Variants in MAP4K3 observed in about 807,000 individuals in gnomAD.
MAP4K3 encodes the protein mitogen-activated protein kinase kinase kinase kinase 3, also known as MAPK/ERK kinase kinase kinase 3.
Under a neutral mutation model 143.5 loss-of-function variants are expected in MAP4K3, and 94 were observed. That is an observed-to-expected ratio of 0.65 (90% CI 0.55 to 0.78). The LOEUF (loss-of-function observed/expected upper bound fraction) is 0.78, where lower values mean the gene tolerates loss of function less well. Among genes scored for constraint, MAP4K3 ranks in the 30% least tolerant of loss-of-function variants. The pLI, the probability that MAP4K3 is intolerant of heterozygous loss-of-function variation, is 0.00. For synonymous variants in MAP4K3, 416 were observed against 347.2 expected (o/e 1.20, Z -2.20); for missense variants, 1,077 against 1,068.1 (o/e 1.01, Z -0.12).
intron 4 of MAP4K3, among the ~76,000 whole-genome samples, chr2:39,342,820 C>T (rs1665181204): frequency 1.3e-5 from 2 of 152,022 alleles, no homozygotes; most frequent in African/African-American, 2.4e-5. Context: ...TTTTATTTTA[C>T]ATTAATCAAA....
chr2:39,399,042 G>GT (rs1168639031), intron 1 of MAP4K3, among the ~76,000 whole-genome samples: 4 of 121,210 alleles, frequency 3.3e-5, no homozygotes, highest in Non-Finnish European at 4.9e-5. Context: ...ACTCTGTCTC[G>GT]TTAAAAAAAA....
At chr2:39,412,032 G>A (rs547259619) in intron 1 of MAP4K3, among the ~76,000 whole-genome samples, 107 of 152,306 alleles carry the variant, frequency 7.0e-4, no homozygotes, top group African/African-American at 2.4e-3. Flanking sequence ...CACTAACTCT[G>A]CATTTCCCAA....
At chr2:39,282,997 A>C (rs1350525503) in intron 21 of MAP4K3, among the ~76,000 whole-genome samples, 1 of 152,192 alleles carries the variant, frequency 6.6e-6, no homozygotes, top group Admixed American at 6.5e-5. Flanking sequence ...GCATGGCATA[A>C]ATATACTTTA....
chr2:39,310,589 T>C (rs1169742419), intron 13 of MAP4K3, among the ~76,000 whole-genome samples: 1 of 151,326 alleles, frequency 6.6e-6, no homozygotes, highest in African/African-American at 2.4e-5. Context: ...CTGGTATCCT[T>C]TCTTTTGGAT....
At chr2:39,290,184 A>C (rs1188092563) in intron 19 of MAP4K3, 108 bp downstream of exon 19, 12 of 746,864 alleles carry the variant, frequency 1.6e-5, no homozygotes, top group Non-Finnish European at 2.5e-5. Flanking sequence ...CAACTTCATG[A>C]TTTTTCTTTG....
chr2:39,265,197 GCTTAC>G lies in MAP4K3; in HGVS notation c.2136+1_2136+5del. ...AAGAATAAGATAGTCTGACTTTTAT[GCTTAC>G]CTTAATTAACATAAATTTCTGCATT... is the stretch of plus-strand genomic sequence containing the variant. On this transcript the variant is annotated splice_donor_variant and splice_donor_5th_base_variant and intron_variant, in intron 28 of 33. Coordinates refer to ENST00000263881, the MANE Select transcript of MAP4K3 (RefSeq NM_003618.4). LOFTEE classifies it high-confidence loss of function. 1 of 1,553,488 alleles carries G rather than the reference GCTTAC, an allele frequency of 6.4e-7. No homozygotes were observed. The highest frequency in any genetic ancestry group is 8.9e-7 in the Non-Finnish European group (1 of 1,125,874).
At chr2:39,336,893 T>G in intron 6 of MAP4K3, 27 bp downstream of exon 6, 5 of 974,778 alleles carry the variant, frequency 5.1e-6, no homozygotes, top group Non-Finnish European at 7.5e-6. Flanking sequence ...GAAGAGAGGG[T>G]TATTATGTTA....
At chr2:39,340,558 A>G (rs1321400721) in intron 4 of MAP4K3, among the ~76,000 whole-genome samples, 1 of 152,240 alleles carries the variant, frequency 6.6e-6, no homozygotes, top group Non-Finnish European at 1.5e-5. Flanking sequence ...GGTAAGAATC[A>G]TGACAACCTA....
intron 2 of MAP4K3, among the ~76,000 whole-genome samples, chr2:39,372,905 C>A (rs1666121103): frequency 6.6e-6 from 1 of 152,070 alleles, no homozygotes. Flanking sequence ...CAATATCCTA[C>A]AGGCACTAGC....
intron 1 of MAP4K3, among the ~76,000 whole-genome samples, chr2:39,424,830 C>CAAAA (rs58960920): frequency 0.035 from 2,394 of 68,106 alleles, 52 homozygotes; most frequent in Non-Finnish European, 0.046. Flanking sequence ...TAACCTGACT[C>CAAAA]AAAAAAAAAA....
chr2:39,417,434 T>C (rs1048304018), intron 1 of MAP4K3, among the ~76,000 whole-genome samples: 1 of 152,104 alleles, frequency 6.6e-6, no homozygotes, highest in African/African-American at 2.4e-5. Context: ...TTAGCCAGGA[T>C]GGTCTTGATC....
intron 3 of MAP4K3, among the ~76,000 whole-genome samples, chr2:39,353,391 C>T (rs1342060754): frequency 1.3e-5 from 2 of 152,100 alleles, no homozygotes; most frequent in Non-Finnish European, 2.9e-5. Context: ...TACCATTTAC[C>T]TTCAAATCAC....
chr2:39,309,663 T>C, intron 13 of MAP4K3, 144 bp from the exon 14 acceptor site: 1 of 516,800 alleles, frequency 1.9e-6, no homozygotes. Context: ...GTTCCCACCA[T>C]TTCCCTGCCT....
In MAP4K3 at chr2:39,437,120, GGCCGCCGCC is replaced by G. The variant is rs78310928; in HGVS notation, c.-142_-134del. On this transcript the variant is annotated 5_prime_UTR_variant, in exon 1 of 34. Coordinates refer to ENST00000263881, the MANE Select transcript of MAP4K3 (RefSeq NM_003618.4). ...TCACAATCACCCGGCTCCACGCTGC[GGCCGCCGCC>G]GCCGCCGCCGCTCCCCTCACGCCGC... is the stretch of plus-strand genomic sequence containing the variant. 8.4e-5 allele frequency: 43 copies of G among 513,192 alleles called. No homozygotes were observed. In the East Asian group the frequency reaches 1.4e-3, roughly 17 times the overall value. The allele number at this position is 513,192 out of a possible 1,614,324, so 31.8% of individuals were successfully genotyped here. A position where few individuals can be genotyped will look rare whatever the true frequency, so the allele number is the denominator to read the frequency against.
chr2:39,315,323 G>A lies in MAP4K3; in HGVS notation c.984C>T (p.Arg328=). Residue 328 remains arginine, a synonymous_variant, in exon 13 of 34, where the codon CGC becomes CGT. Coordinates refer to ENST00000263881, the MANE Select transcript of MAP4K3 (RefSeq NM_003618.4). ...TSRNVREEKT[R]SEITFGQVKF... ...GTATATACTTACAGGTTATCTCTGA[G>A]CGTGTTTTTTCTTCTCTCACGTTTC... The A allele has an allele frequency of 1.2e-6, 2 of 1,604,826 alleles. No individual in the cohort carries two copies. Among genetic ancestry groups the A allele is most frequent in the Non-Finnish European group, 8.5e-7 (1 of 1,172,168 alleles).
At chr2:39,300,788 A>G (rs1479439031) in intron 15 of MAP4K3, among the ~76,000 whole-genome samples, 2 of 152,230 alleles carry the variant, frequency 1.3e-5, no homozygotes, top group Non-Finnish European at 2.9e-5. Flanking sequence ...AAGTTTCCAT[A>G]GCATTTAACA....
chr2:39,328,044 A>T (rs1050357490), intron 8 of MAP4K3, among the ~76,000 whole-genome samples: 1 of 152,190 alleles, frequency 6.6e-6, no homozygotes, highest in Non-Finnish European at 1.5e-5. Flanking sequence ...AAGTTAGCGA[A>T]TGCTGGCCGG....
intron 1 of MAP4K3, among the ~76,000 whole-genome samples, chr2:39,424,757 G>C (rs1417153353): frequency 6.7e-6 from 1 of 149,784 alleles, no homozygotes; most frequent in East Asian, 2.0e-4. Flanking sequence ...CTTGAGCCCA[G>C]GAGGTTGAGG....
At chr2:39,390,678 T>G (rs1666627666) in intron 1 of MAP4K3, among the ~76,000 whole-genome samples, 1 of 151,936 alleles carries the variant, frequency 6.6e-6, no homozygotes, top group Admixed American at 6.6e-5. Flanking sequence ...ACGTATATCA[T>G]TAAGTGTCCC....
Sources: gnomAD v4.1 joint callset for allele counts (sites outside exome capture counted in the v4.1 genomes callset) on GRCh38, gnomAD v4.1.1 for gene constraint, MANE v1.5 for transcripts, NCBI Gene and HGNC (gene_info 2026-07-23, HGNC 2026-07-21) for gene names.